Variants in PDE10A observed in about 807,000 individuals in gnomAD.
PDE10A encodes the protein phosphodiesterase 10A, also known as cAMP and cAMP-inhibited cGMP 3',5'-cyclic phosphodiesterase 10A.
Under a neutral mutation model 97.7 loss-of-function variants are expected in PDE10A, and 39 were observed. The ratio of observed to expected loss-of-function variants is 0.40; its 90% CI spans 0.31 to 0.52. The LOEUF (loss-of-function observed/expected upper bound fraction) is 0.52. PDE10A is among the 20% of genes least tolerant of loss of function. The probability of loss-of-function intolerance (pLI) is 0.56; values close to 1 mark genes in which losing one functional copy is unlikely to be tolerated. For missense variants in PDE10A, 731 were observed against 1,047.8 expected (o/e 0.70, Z 4.17); for synonymous variants, 371 against 376.8 (o/e 0.98, Z 0.18).
At chr6:165,457,037 T>G (rs1307313403) in intron 3 of PDE10A, among the ~76,000 whole-genome samples, 1 of 152,212 alleles carries the variant, frequency 6.6e-6, no homozygotes, top group East Asian at 1.9e-4. Context: ...TTATCAGGAC[T>G]GTTATGAAAG....
chr6:165,622,187 G>A (rs772755866), intron 1 of PDE10A, among the ~76,000 whole-genome samples: 1 of 152,166 alleles, frequency 6.6e-6, no homozygotes, highest in Non-Finnish European at 1.5e-5. Context: ...CCTGTTTCCA[G>A]ACTTGCTGGC....
chr6:165,794,387 TCA>T (rs1562740082), intron 1 of PDE10A, among the ~76,000 whole-genome samples: 4 of 148,858 alleles, frequency 2.7e-5, no homozygotes, highest in Non-Finnish European at 6.0e-5. Flanking sequence ...TCCCCCACAC[TCA>T]CACATGCTCA....
At chr6:165,739,765 T>C (rs1428208099) in intron 1 of PDE10A, among the ~76,000 whole-genome samples, 2 of 152,086 alleles carry the variant, frequency 1.3e-5, no homozygotes, top group Admixed American at 6.5e-5. Context: ...GGAACTCAGC[T>C]AAATGGCAAG....
intron 1 of PDE10A, among the ~76,000 whole-genome samples, chr6:165,731,592 C>T (rs1792438915): frequency 6.6e-6 from 1 of 152,196 alleles, no homozygotes; most frequent in South Asian, 2.1e-4. Flanking sequence ...ACTGCGGAGC[C>T]GTTACACATT....
intron 1 of PDE10A, among the ~76,000 whole-genome samples, chr6:165,898,467 C>G (rs1583253605): frequency 6.6e-6 from 1 of 152,106 alleles, no homozygotes; most frequent in South Asian, 2.1e-4. Flanking sequence ...CAGAGCAAAG[C>G]ACGAAACCTG....
At chr6:165,440,890 CTGAT>C (rs985808116) in intron 5 of PDE10A, among the ~76,000 whole-genome samples, 7 of 152,100 alleles carry the variant, frequency 4.6e-5, no homozygotes, top group Admixed American at 3.3e-4. Context: ...ACAAACAACT[CTGAT>C]AGATAACAGT....
At chr6:165,950,929 T>G (rs1476881217) in intron 1 of PDE10A, among the ~76,000 whole-genome samples, 1 of 152,214 alleles carries the variant, frequency 6.6e-6, no homozygotes, top group Non-Finnish European at 1.5e-5. Context: ...ATAAAGAACA[T>G]GTGTCCTCTT....
chr6:165,512,081 G>C (rs370178337), intron 2 of PDE10A, among the ~76,000 whole-genome samples: 2 of 151,732 alleles, frequency 1.3e-5, no homozygotes, highest in Non-Finnish European at 2.9e-5. Flanking sequence ...CTGGTTGTTT[G>C]TATATTCTTT....
chr6:165,411,657 G>A (rs1787847236), intron 13 of PDE10A, among the ~76,000 whole-genome samples: 2 of 152,152 alleles, frequency 1.3e-5, no homozygotes, highest in African/African-American at 4.8e-5. Flanking sequence ...AAATTATGCA[G>A]TGAAAAAATA....
chr6:165,829,880 G>A (rs1779861312), intron 1 of PDE10A, among the ~76,000 whole-genome samples: 2 of 152,162 alleles, frequency 1.3e-5, no homozygotes, highest in South Asian at 4.2e-4. Flanking sequence ...CACCAGGGCT[G>A]CCAGGGAACA....
At chr6:165,807,932 C>T (rs765346746) in intron 1 of PDE10A, among the ~76,000 whole-genome samples, 2 of 152,148 alleles carry the variant, frequency 1.3e-5, no homozygotes, top group Non-Finnish European at 2.9e-5. Context: ...AGTGTGTGGA[C>T]AACTGAGAAT....
At chr6:165,449,165 A>G (rs1412213611) in intron 4 of PDE10A, among the ~76,000 whole-genome samples, 188 bp from the exon 5 acceptor site, 1 of 152,172 alleles carries the variant, frequency 6.6e-6, no homozygotes, top group Non-Finnish European at 1.5e-5. Flanking sequence ...TATCCTCTAC[A>G]TTTTTCATCA....
At chr6:165,725,679 A>AC (rs773915700) in intron 1 of PDE10A, among the ~76,000 whole-genome samples, 3 of 151,984 alleles carry the variant, frequency 2.0e-5, no homozygotes, top group Non-Finnish European at 2.9e-5. Context: ...TGCCTTATGT[A>AC]CTTACGAAAA....
At chr6:165,370,827 A>C (rs1444938565) in intron 18 of PDE10A, among the ~76,000 whole-genome samples, 3 of 150,114 alleles carry the variant, frequency 2.0e-5, no homozygotes, top group Admixed American at 6.6e-5. Flanking sequence ...ACATACTTGG[A>C]AGTAAAGCTC....
rs1790347886 is a variant in PDE10A at position 165,440,320 on chromosome 6, AATG to A, written c.1195-4946_1195-4944del. 2.9e-5 allele frequency among the ~76,000 whole-genome samples: 3 copies of A among 104,308 alleles called. No individual in the cohort carries two copies. The Admixed American group carries it at 3.7e-4, about 13-fold the overall frequency. The allele number at this position is 104,308 out of a possible 152,430, so 68.4% of individuals were successfully genotyped here. ...TATGAAGAATGCAGTATTTCTGGTG[AATG>A]TTTAATGTATACATACTGAAGGTAA... On this transcript the variant is annotated intron_variant, in intron 5 of 21. Transcript: ENST00000539869.
At chr6:165,963,930 G>A (rs1315827033) in intron 1 of PDE10A, among the ~76,000 whole-genome samples, 2 of 152,196 alleles carry the variant, frequency 1.3e-5, no homozygotes, top group Non-Finnish European at 1.5e-5. Flanking sequence ...GAGGTTTGAA[G>A]GAAGGAAGGG....
At chr6:165,895,920 G>C (rs773139426) in intron 1 of PDE10A, among the ~76,000 whole-genome samples, 1 of 152,142 alleles carries the variant, frequency 6.6e-6, no homozygotes, top group African/African-American at 2.4e-5. Context: ...CCCACCTCCA[G>C]GGATTTGACT....
At chr6:165,627,389 A>T (rs1788437330) in intron 1 of PDE10A, among the ~76,000 whole-genome samples, 1 of 152,238 alleles carries the variant, frequency 6.6e-6, no homozygotes, top group Non-Finnish European at 1.5e-5. Flanking sequence ...ACTGTTCAAC[A>T]ATCACCATGC....
chr6:165,794,433 C>G (rs1778768511), intron 1 of PDE10A, among the ~76,000 whole-genome samples: 1 of 151,968 alleles, frequency 6.6e-6, no homozygotes, highest in African/African-American at 2.4e-5. Context: ...CACTCACACA[C>G]TCACTTGTAC....
Sources: gnomAD v4.1 joint callset for allele counts (sites outside exome capture counted in the v4.1 genomes callset) on GRCh38, gnomAD v4.1.1 for gene constraint, MANE v1.5 for transcripts, NCBI Gene and HGNC (gene_info 2026-07-23, HGNC 2026-07-21) for gene names.